PHLPP1: variants seen among roughly 807,000 people sequenced by gnomAD.
PHLPP1 encodes PH domain leucine-rich repeat-containing protein phosphatase 1.
Under a neutral mutation model 117.2 loss-of-function variants are expected in PHLPP1, and 42 were observed. The observed-to-expected ratio is 0.36, with a 90% CI of 0.28 to 0.46. The LOEUF (loss-of-function observed/expected upper bound fraction) is 0.46, where lower values mean the gene tolerates loss of function less well. PHLPP1 is among the 20% of genes least tolerant of loss of function. PHLPP1 has a pLI of 1.00. For synonymous variants in PHLPP1, 1,042 were observed against 970.7 expected (o/e 1.07, Z -1.37); for missense variants, 2,084 against 2,241.9 (o/e 0.93, Z 1.42).
intron 2 of PHLPP1, among the ~76,000 whole-genome samples, chr18:62,831,591 C>T (rs1312349361): frequency 1.3e-5 from 2 of 152,124 alleles, no homozygotes; most frequent in African/African-American, 4.8e-5. Context: ...CCCACTTTGG[C>T]CTCCCAGAGT....
At chr18:62,726,809 C>A (rs1290895657) in intron 1 of PHLPP1, among the ~76,000 whole-genome samples, 2 of 151,616 alleles carry the variant, frequency 1.3e-5, no homozygotes, top group South Asian at 4.2e-4. Flanking sequence ...GTCTTGAACT[C>A]CTGAGCTCAG....
At chr18:62,748,640 C>T (rs989638393) in intron 1 of PHLPP1, among the ~76,000 whole-genome samples, 2 of 152,116 alleles carry the variant, frequency 1.3e-5, no homozygotes, top group Non-Finnish European at 2.9e-5. Context: ...GCTTTAGTGG[C>T]TATTTTGCTT....
intron 1 of PHLPP1, among the ~76,000 whole-genome samples, chr18:62,827,774 A>G (rs1378080203): frequency 6.6e-6 from 1 of 151,942 alleles, no homozygotes; most frequent in Admixed American, 6.5e-5. Flanking sequence ...ATGTATCCAT[A>G]CTCTTCTGTT....
At chr18:62,842,578 G>T (rs1915081718) in intron 3 of PHLPP1, among the ~76,000 whole-genome samples, 1 of 152,058 alleles carries the variant, frequency 6.6e-6, no homozygotes, top group South Asian at 2.1e-4. Context: ...TGGCCAGGCT[G>T]GTCTTGAACT....
intron 16 of PHLPP1, among the ~76,000 whole-genome samples, chr18:62,977,258 G>T (rs1221142992): frequency 6.6e-6 from 1 of 152,066 alleles, no homozygotes; most frequent in Non-Finnish European, 1.5e-5. Flanking sequence ...TGGTAGGACT[G>T]GAAAGGAAAT....
At chr18:62,972,860 A>C (rs1599148436) in intron 15 of PHLPP1, among the ~76,000 whole-genome samples, 152 bp downstream of exon 15, 1 of 152,206 alleles carries the variant, frequency 6.6e-6, no homozygotes, top group East Asian at 1.9e-4. Flanking sequence ...GGTGTTGCCC[A>C]GGCATCAGGA....
At chr18:62,963,200 G>A (rs1021079037) in intron 13 of PHLPP1, among the ~76,000 whole-genome samples, 168 bp from the exon 14 acceptor site, 1 of 152,152 alleles carries the variant, frequency 6.6e-6, no homozygotes, top group Non-Finnish European at 1.5e-5. Flanking sequence ...TCATTACAAC[G>A]AGTAGCTGGT....
chr18:62,916,607 T>G (rs78051216), intron 9 of PHLPP1, among the ~76,000 whole-genome samples: 255 of 127,994 alleles, frequency 2.0e-3, no homozygotes, highest in African/African-American at 5.7e-3. Context: ...AGAGGGTGGG[T>G]GTGTGTGTGT....
intron 7 of PHLPP1, 145 bp from the exon 8 acceptor site, chr18:62,905,079 C>A (rs549715145): frequency 3.2e-4 from 141 of 434,696 alleles, no homozygotes; most frequent in African/African-American, 2.5e-3. Context: ...CCTGCACTTT[C>A]AAAGTTAAAC....
At position 62,920,011 on chromosome 18, in the gene PHLPP1, G is replaced by T; in HGVS notation, c.2857G>T (p.Ala953Ser). 6.2e-7 allele frequency: 1 copy of T among 1,610,432 alleles called. No individual in the cohort carries two copies. The highest frequency in any genetic ancestry group is 8.5e-7 in the Non-Finnish European group (1 of 1,178,122). ...ACTACTGGCAGGACACAACCAGTTGGCAAGGCTGCCTGAAAGGCTAGAAAG... is the reference window on the plus strand; with the variant it reads ...ACTACTGGCAGGACACAACCAGTTGTCAAGGCTGCCTGAAAGGCTAGAAAG... Reference protein sequence around the residue: ...RKLLAGHNQLARLPERLERTS... With the variant: ...RKLLAGHNQLSRLPERLERTS... The change falls in exon 10 of 17, where the codon GCA becomes TCA. Residue 953 changes from alanine (A) to serine (S), a missense_variant. Coordinates refer to ENST00000262719, the MANE Select transcript of PHLPP1 (RefSeq NM_194449.4).
intron 1 of PHLPP1, among the ~76,000 whole-genome samples, chr18:62,781,191 A>C (rs1913108780): frequency 6.6e-6 from 1 of 152,208 alleles, no homozygotes; most frequent in Non-Finnish European, 1.5e-5. Flanking sequence ...GATTTTTGGG[A>C]GAGCTTAAGT....
At chr18:62,972,070 G>A (rs924635447) in intron 14 of PHLPP1, among the ~76,000 whole-genome samples, 2 of 152,112 alleles carry the variant, frequency 1.3e-5, no homozygotes, top group Non-Finnish European at 2.9e-5. Context: ...TTTTTTAAAA[G>A]TCATTTGAGG....
intron 3 of PHLPP1, among the ~76,000 whole-genome samples, chr18:62,842,209 T>A (rs1915071090): frequency 6.6e-6 from 1 of 152,216 alleles, no homozygotes; most frequent in Admixed American, 6.5e-5. Context: ...TTTCAGCATA[T>A]AAAGACACGG....
chr18:62,876,817 T>G (rs571785045), intron 4 of PHLPP1, among the ~76,000 whole-genome samples: 1 of 152,278 alleles, frequency 6.6e-6, no homozygotes, highest in South Asian at 2.1e-4. Flanking sequence ...ATTGAGTAAG[T>G]TTTCACCTGA....
chr18:62,805,039 A>G (rs1406915507), intron 1 of PHLPP1, among the ~76,000 whole-genome samples: 5 of 136,360 alleles, frequency 3.7e-5, no homozygotes. Flanking sequence ...GGTTATACAT[A>G]TACAGTATAA....
chr18:62,979,184 T>C lies in PHLPP1; in HGVS notation c.4907T>C (p.Val1636Ala). ...GCGCCCCAGGAAAGGAGCCACAATG[T>C]GATAGAGGTGGCTACAGACGCACCT... Reference protein sequence around the residue: ...SVAPQERSHNVIEVATDAPLR... With the variant: ...SVAPQERSHNAIEVATDAPLR... Residue 1636 changes from valine (V) to alanine (A), a missense_variant, in exon 17 of 17, where the codon GTG becomes GCG. Transcript: ENST00000262719. The C allele has an allele frequency of 6.2e-7, 1 of 1,613,714 alleles. No homozygotes were observed. Among genetic ancestry groups the C allele is most frequent in the Non-Finnish European group, 8.5e-7 (1 of 1,179,754 alleles).
At position 62,716,701 on chromosome 18, in the gene PHLPP1, C is replaced by A; in HGVS notation, c.1018C>A (p.Pro340Thr). The A allele has an allele frequency of 6.7e-7, 1 of 1,481,962 alleles. No homozygotes were observed. Among genetic ancestry groups the A allele is most frequent in the South Asian group, 1.3e-5 (1 of 79,372 alleles). The allele number at this position is 1,481,962 out of a possible 1,614,324, so 91.8% of individuals were successfully genotyped here. A position where few individuals can be genotyped will look rare whatever the true frequency, so the allele number is the denominator to read the frequency against. Residue 340 changes from proline to threonine, a missense_variant, in exon 1 of 17, where the codon CCA becomes ACA. Pro to Thr is a conservative substitution (Grantham distance 38, BLOSUM62 -1). Transcript: ENST00000262719. The surrounding 1 kb of genome is among the most constrained non-coding windows in gnomAD (Gnocchi z 5.7). ...VGGPVSSPRA[P>T]RPVVSDTESF... is the part of the protein sequence containing the mutation. ...GGGCCCTGTCTCTTCGCCCCGCGCCCCACGGCCTGTGGTCTCCGACACCGA... is the reference window on the plus strand; with the variant it reads ...GGGCCCTGTCTCTTCGCCCCGCGCCACACGGCCTGTGGTCTCCGACACCGA...
At chr18:62,956,666 G>A (rs17070479) in intron 12 of PHLPP1, among the ~76,000 whole-genome samples, 2,874 of 152,146 alleles carry the variant, frequency 0.019, 95 homozygotes, top group African/African-American at 0.065. Context: ...TGTTAGGGTG[G>A]TAGATTTAAG....
chr18:62,881,909 A>G (rs1431409851), intron 4 of PHLPP1, among the ~76,000 whole-genome samples: 1 of 152,210 alleles, frequency 6.6e-6, no homozygotes, highest in Non-Finnish European at 1.5e-5. Flanking sequence ...TGCCTTCTGA[A>G]GGGTGGGTGT....
Sources: allele counts gnomAD v4.1 joint callset (sites outside exome capture counted in the v4.1 genomes callset), GRCh38; gene constraint gnomAD v4.1.1; non-coding constraint Gnocchi (gnomAD v3.1); transcripts MANE v1.5; gene names NCBI Gene and HGNC (gene_info 2026-07-23, HGNC 2026-07-21).